The following ELL variants were observed in gnomAD, a reference collection of about 807,000 sequenced individuals.
ELL encodes RNA polymerase II elongation factor ELL.
In ELL, 18 loss-of-function variants were observed where a neutral mutation model predicts 64.0. The ratio of observed to expected loss-of-function variants is 0.28; its 90% confidence interval spans 0.19 to 0.42. ELL has a LOEUF of 0.42. ELL is among the 10% of genes least tolerant of loss of function. The pLI, the probability that ELL is intolerant of heterozygous loss-of-function variation, is 1.00. For missense variants in ELL, 797 were observed against 870.4 expected (o/e 0.92, Z 1.06); for synonymous variants, 399 against 376.2 (o/e 1.06, Z -0.70).
At chr19:18,469,042 GGGGCCAGGTGCAGAGCCCA>G (rs1163695838) in intron 2 of ELL, among the ~76,000 whole-genome samples, 2 of 152,332 alleles carry the variant, frequency 1.3e-5, no homozygotes, top group Non-Finnish European at 2.9e-5. Context: ...CCTAGAAGCA[GGGGCCAGGTGCAGAGCCCA>G]GGGCCAGGTG....
At chr19:18,519,195 G>A (rs965697837) in intron 1 of ELL, among the ~76,000 whole-genome samples, 1 of 149,008 alleles carries the variant, frequency 6.7e-6, no homozygotes, top group Non-Finnish European at 1.5e-5. Context: ...TCGCACCACT[G>A]CACTCCAGCC....
At position 18,465,249 on chromosome 19, in the gene ELL, C is replaced by G. The variant is rs530264988; in HGVS notation, c.469+163G>C. On this transcript the variant is annotated intron_variant, in intron 4 of 11. Transcript: ENST00000262809. ...ATGTGGCCATACCTCTCTTCCCAACCCAGACTCTGGTCCAGGCACGTCCTG... is the reference window on the plus strand; with the variant it reads ...ATGTGGCCATACCTCTCTTCCCAACGCAGACTCTGGTCCAGGCACGTCCTG... Among the ~76,000 whole-genome samples, 7 of 152,342 alleles carry G rather than the reference C, an allele frequency of 4.6e-5. No individual in the cohort carries two copies. The East Asian group carries it at 1.4e-3, about 29-fold the overall frequency.
intron 1 of ELL, among the ~76,000 whole-genome samples, chr19:18,483,159 T>C (rs1186959014): frequency 1.3e-5 from 2 of 152,098 alleles, no homozygotes; most frequent in South Asian, 4.1e-4. Flanking sequence ...CCTCCCAAAC[T>C]AGCAGCTCTG....
At chr19:18,475,117 C>T (rs964911329) in intron 1 of ELL, among the ~76,000 whole-genome samples, 13 of 152,254 alleles carry the variant, frequency 8.5e-5, no homozygotes, top group African/African-American at 3.1e-4. Flanking sequence ...GAGTGAGATC[C>T]TGTCTCAACA....
intron 5 of ELL, among the ~76,000 whole-genome samples, chr19:18,459,401 A>C (rs935448983): frequency 1.3e-5 from 2 of 152,140 alleles, no homozygotes; most frequent in Non-Finnish European, 2.9e-5. Context: ...CACTGCCCTG[A>C]GTGGGTGCTG....
intron 1 of ELL, among the ~76,000 whole-genome samples, chr19:18,496,527 CT>C (rs35231179): frequency 0.46 from 69,031 of 148,634 alleles, 17,980 homozygotes; most frequent in African/African-American, 0.74. Flanking sequence ...CAGGTAACAA[CT>C]TTTTTTTTTT....
intron 1 of ELL, among the ~76,000 whole-genome samples, chr19:18,491,131 G>A (rs1005615071): frequency 2.0e-5 from 3 of 152,026 alleles, no homozygotes; most frequent in Admixed American, 1.3e-4. Flanking sequence ...CGCCCAGTCT[G>A]GAGTGCAGTG....
At chr19:18,446,531 C>A in intron 9 of ELL, 51 bp from the exon 10 acceptor site, 1 of 1,585,278 alleles carries the variant, frequency 6.3e-7, no homozygotes, top group Non-Finnish European at 8.6e-7. Context: ...GACCCAGCCC[C>A]ACCCAGGAAG....
chr19:18,521,180 G>A (rs750344417), intron 1 of ELL, among the ~76,000 whole-genome samples: 4 of 151,978 alleles, frequency 2.6e-5, no homozygotes, highest in Admixed American at 2.0e-4. Flanking sequence ...GTGCCCTGAG[G>A]ATAACATCAC....
At chr19:18,473,969 G>A (rs1355033299) in intron 1 of ELL, among the ~76,000 whole-genome samples, 2 of 152,226 alleles carry the variant, frequency 1.3e-5, no homozygotes, top group East Asian at 1.9e-4. Context: ...TCTCCCCAGA[G>A]GGCAAAGCAC....
chr19:18,506,595 C>T (rs979021315), intron 1 of ELL, among the ~76,000 whole-genome samples: 9 of 152,270 alleles, frequency 5.9e-5, no homozygotes, highest in African/African-American at 1.7e-4. Flanking sequence ...TGTGGTGCCA[C>T]GCACTTGTAG....
At chr19:18,444,944 C>T (rs1974381564) in intron 11 of ELL, 76 bp from the exon 12 acceptor site, 2 of 1,481,526 alleles carry the variant, frequency 1.3e-6, no homozygotes, top group Non-Finnish European at 1.8e-6. Flanking sequence ...GCCAGTGTCC[C>T]CCCCAAACCA....
intron 2 of ELL, among the ~76,000 whole-genome samples, chr19:18,466,213 T>C (rs1415794210): frequency 6.6e-6 from 1 of 152,198 alleles, no homozygotes; most frequent in Non-Finnish European, 1.5e-5. Flanking sequence ...CCTGCCCAGA[T>C]GCAGGGCCCC....
intron 8 of ELL, 144 bp downstream of exon 8, chr19:18,450,333 A>C: frequency 7.4e-7 from 1 of 1,354,914 alleles, no homozygotes. Context: ...CCAGGCACAC[A>C]GGGCAAATCT....
At chr19:18,477,573 G>A (rs547721877) in intron 1 of ELL, among the ~76,000 whole-genome samples, 2 of 152,270 alleles carry the variant, frequency 1.3e-5, no homozygotes, top group South Asian at 2.1e-4. Context: ...CCGAGGTGCC[G>A]ACACTGCACA....
intron 1 of ELL, among the ~76,000 whole-genome samples, chr19:18,493,407 G>T (rs1002950168): frequency 2.0e-5 from 3 of 152,240 alleles, no homozygotes; most frequent in Non-Finnish European, 4.4e-5. Context: ...TGAAGCCAGG[G>T]CTGTGCTGTC....
chr19:18,509,582 T>TGCGCGC (rs138250487), intron 1 of ELL, among the ~76,000 whole-genome samples: 10 of 95,556 alleles, frequency 1.0e-4, no homozygotes, highest in South Asian at 7.1e-4. Context: ...CCAATGCACG[T>TGCGCGC]GCGCGCGCGC....
intron 1 of ELL, among the ~76,000 whole-genome samples, chr19:18,492,938 C>T (rs2144956038): frequency 6.6e-6 from 1 of 152,186 alleles, no homozygotes; most frequent in African/African-American, 2.4e-5. Flanking sequence ...AGTTCATTCC[C>T]CCACTCCTCT....
intron 1 of ELL, among the ~76,000 whole-genome samples, chr19:18,489,635 A>G (rs569964083): frequency 2.4e-4 from 37 of 152,246 alleles, no homozygotes; most frequent in African/African-American, 8.4e-4. Flanking sequence ...TGCAGCCCCC[A>G]GCAGCCCACG....
Sources: gnomAD v4.1 joint callset for allele counts (sites outside exome capture counted in the v4.1 genomes callset) on GRCh38, gnomAD v4.1.1 for gene constraint, MANE v1.5 for transcripts, NCBI Gene and HGNC (gene_info 2026-07-23, HGNC 2026-07-21) for gene names.